The following PCDHA10 variants were observed in gnomAD, a reference collection of about 807,000 sequenced individuals.
The protein encoded by PCDHA10 is protocadherin alpha-10.
In PCDHA10, 45 loss-of-function variants were observed where a neutral mutation model predicts 61.2. The observed-to-expected ratio is 0.74, with a 90% CI of 0.58 to 0.94. PCDHA10 has a LOEUF of 0.94. Among genes scored for constraint, PCDHA10 ranks in the 40% least tolerant of loss-of-function variants. The pLI is 0.00. For missense variants in PCDHA10, 1,278 were observed against 1,236.2 expected (o/e 1.03, Z -0.51); for synonymous variants, 602 against 548.8 (o/e 1.10, Z -1.35).
chr5:140,949,012 A>G (rs1029892336), intron 1 of PCDHA10, among the ~76,000 whole-genome samples: 11 of 151,632 alleles, frequency 7.3e-5, no homozygotes, highest in African/African-American at 2.7e-4. Flanking sequence ...TTTATATGTG[A>G]TGTTTTTATT....
chr5:140,887,941 A>C (rs529131971), intron 1 of PCDHA10, among the ~76,000 whole-genome samples: 25 of 152,194 alleles, frequency 1.6e-4, no homozygotes, highest in Admixed American at 7.8e-4. Flanking sequence ...TTTATTTCTT[A>C]TCTGTATAAG....
At chr5:140,875,662 T>C (rs782787124) in intron 1 of PCDHA10, 32 of 1,613,752 alleles carry the variant, frequency 2.0e-5, no homozygotes, top group Non-Finnish European at 2.6e-5. Context: ...GCCGCGCCTG[T>C]TCCGGGTGGC....
chr5:140,862,675 G>A, intron 1 of PCDHA10: 1 of 550,422 alleles, frequency 1.8e-6, no homozygotes, highest in South Asian at 1.4e-5. Context: ...GCAGGAGAAC[G>A]TGCTGGTGTC....
chr5:140,939,246 C>A (rs536477969), intron 1 of PCDHA10, among the ~76,000 whole-genome samples: 1 of 152,112 alleles, frequency 6.6e-6, no homozygotes, highest in South Asian at 2.1e-4. Context: ...AGCAAGGTAG[C>A]TCTCTGGAAC....
At chr5:140,869,228 G>T (rs782726206) in intron 1 of PCDHA10, 1 of 1,613,764 alleles carries the variant, frequency 6.2e-7, no homozygotes, top group South Asian at 1.1e-5. Flanking sequence ...GCCAAACACG[G>T]CACCTTCGTG....
chr5:141,003,258 G>T (rs1029666608), intron 3 of PCDHA10, among the ~76,000 whole-genome samples: 1 of 152,240 alleles, frequency 6.6e-6, no homozygotes, highest in Admixed American at 6.5e-5. Flanking sequence ...TTCCTGGGCA[G>T]TGCCTAAGGG....
Position 140,885,214 on chromosome 5 carries a change from T to A in PCDHA10, c.2388+26778T>A, listed in dbSNP as rs550824585. On this transcript the variant is annotated intron_variant, in intron 1 of 3. Coordinates refer to ENST00000307360, the MANE Select transcript of PCDHA10 (RefSeq NM_018901.4). ...CCCCTCTCATATATCCCATGAAAAATATCTTGTGATTCTGCTTTCAATTTT... is the reference window on the plus strand; with the variant it reads ...CCCCTCTCATATATCCCATGAAAAAAATCTTGTGATTCTGCTTTCAATTTT... Among the ~76,000 whole-genome samples the A allele has an allele frequency of 2.8e-3, 423 of 152,168 alleles. 2 individuals carry two copies. The highest frequency in any genetic ancestry group is 0.014 in the Middle Eastern group (4 of 294).
intron 1 of PCDHA10, chr5:140,876,892 A>G (rs782046911): frequency 1.2e-6 from 2 of 1,614,044 alleles, no homozygotes; most frequent in South Asian, 1.1e-5. Context: ...GGGCTGCCAC[A>G]TCTTCACGGT....
chr5:140,994,786 T>C (rs1219918332), intron 3 of PCDHA10, among the ~76,000 whole-genome samples: 4 of 152,086 alleles, frequency 2.6e-5, no homozygotes, highest in Non-Finnish European at 5.9e-5. Context: ...AAGGAAACAA[T>C]GCGTGCATGC....
At chr5:140,980,189 A>T (rs2096879459) in intron 2 of PCDHA10, among the ~76,000 whole-genome samples, 1 of 152,226 alleles carries the variant, frequency 6.6e-6, no homozygotes, top group African/African-American at 2.4e-5. Context: ...CTTTATATTT[A>T]TTAGAGACCA....
chr5:140,875,517 G>A (rs2055556431), intron 1 of PCDHA10: 7 of 1,614,024 alleles, frequency 4.3e-6, no homozygotes, highest in Non-Finnish European at 5.9e-6. Flanking sequence ...AGCGTCTGCT[G>A]CTCTCGCTTC....
intron 1 of PCDHA10, among the ~76,000 whole-genome samples, chr5:140,922,915 A>G (rs1184691604): frequency 6.6e-6 from 1 of 152,224 alleles, no homozygotes; most frequent in Non-Finnish European, 1.5e-5. Context: ...ATACAAATAA[A>G]CTTCAGACTT....
chr5:141,002,918 GAACACCCTCC>G (rs1554258833), intron 3 of PCDHA10, among the ~76,000 whole-genome samples: 1 of 152,192 alleles, frequency 6.6e-6, no homozygotes, highest in Non-Finnish European at 1.5e-5. Flanking sequence ...TCAGAAAAGT[GAACACCCTCC>G]AACACCCTCC....
At chr5:140,871,735 A>T in intron 1 of PCDHA10, 1 of 686,792 alleles carries the variant, frequency 1.5e-6, no homozygotes, top group Non-Finnish European at 2.3e-6. Context: ...TTTGGTTAGC[A>T]AATCCTAAAA....
chr5:140,886,847 AG>A lies in PCDHA10; in HGVS notation c.2388+28412del, dbSNP rs1299329603. ...GTCTTGAAAAAAAAAAAAAAAAAAA[AG>A]AAAGGTCTTCCCAACTCCTATATTG... On this transcript the variant is annotated intron_variant, in intron 1 of 3. Transcript: ENST00000307360. Among the ~76,000 whole-genome samples the A allele has an allele frequency of 2.2e-3, 339 of 151,134 alleles. 4 individuals are homozygous for A. Among genetic ancestry groups the A allele is most frequent in the African/African-American group, 7.8e-3 (323 of 41,170 alleles).
intron 1 of PCDHA10, chr5:140,868,353 A>T (rs1303376076): frequency 6.6e-6 from 1 of 152,174 alleles, no homozygotes; most frequent in Non-Finnish European, 1.5e-5. Flanking sequence ...ATCAGAAAGC[A>T]ATTAAATGTA....
At chr5:140,995,410 T>C (rs555899259) in intron 3 of PCDHA10, among the ~76,000 whole-genome samples, 1 of 152,310 alleles carries the variant, frequency 6.6e-6, no homozygotes, top group Non-Finnish European at 1.5e-5. Flanking sequence ...CGAGATTTCA[T>C]CACATTACTC....
chr5:141,007,325 C>T (rs1303133451), intron 3 of PCDHA10, among the ~76,000 whole-genome samples: 1 of 145,322 alleles, frequency 6.9e-6, no homozygotes, highest in Non-Finnish European at 1.5e-5. Flanking sequence ...CTAAAGTGGA[C>T]AGATTGCCTG....
chr5:140,887,525 TC>T (rs552124664), intron 1 of PCDHA10, among the ~76,000 whole-genome samples: 1 of 152,154 alleles, frequency 6.6e-6, no homozygotes, highest in South Asian at 2.1e-4. Context: ...TATATATGAG[TC>T]TTCCTCTCCC....
Sources: gnomAD v4.1 joint callset for allele counts (sites outside exome capture counted in the v4.1 genomes callset) on GRCh38, gnomAD v4.1.1 for gene constraint, MANE v1.5 for transcripts, NCBI Gene and HGNC (gene_info 2026-07-23, HGNC 2026-07-21) for gene names.